Variants in FGL1 observed in about 807,000 individuals in gnomAD.
FGL1 encodes the protein fibrinogen-like protein 1.
FGL1 carries 59 observed loss-of-function variants against 43.7 expected under a neutral mutation model. The observed-to-expected ratio is 1.35, with a 90% CI of 1.10 to 1.68. The LOEUF (loss-of-function observed/expected upper bound fraction) is 1.68, where lower values mean the gene tolerates loss of function less well. Ranked by LOEUF, FGL1 falls within the 40% of genes most tolerant of loss-of-function variation. The pLI is 0.00. For missense variants in FGL1, 596 were observed against 373.0 expected (o/e 1.60, Z -4.92); for synonymous variants, 192 against 126.5 (o/e 1.52, Z -3.48).
At chr8:17,877,240 T>TA (rs924813397) in intron 3 of FGL1, among the ~76,000 whole-genome samples, 4 of 151,648 alleles carry the variant, frequency 2.6e-5, no homozygotes, top group Admixed American at 6.6e-5. Flanking sequence ...GTTTTTTTTT[T>TA]AAAAAAGAAA....
intron 1 of FGL1, among the ~76,000 whole-genome samples, chr8:17,894,423 T>C (rs1195896503): frequency 6.8e-6 from 1 of 146,922 alleles, no homozygotes; most frequent in Non-Finnish European, 1.5e-5. Flanking sequence ...TTTCTGAAAA[T>C]GGAATATAAC....
At chr8:17,883,689 T>C (rs2053584551) in intron 2 of FGL1, among the ~76,000 whole-genome samples, 1 of 143,462 alleles carries the variant, frequency 7.0e-6, no homozygotes, top group Non-Finnish European at 1.5e-5. Context: ...TATATATATA[T>C]TTTTTATATA....
At chr8:17,878,490 G>C (rs2053489439) in intron 3 of FGL1, among the ~76,000 whole-genome samples, 1 of 152,182 alleles carries the variant, frequency 6.6e-6, no homozygotes, top group Admixed American at 6.5e-5. Context: ...TGAAGAAGGG[G>C]AGATGCTGGA....
chr8:17,885,541 A>G lies in FGL1; in HGVS notation c.14T>C (p.Phe5Ser), dbSNP rs745580725. Reference sequence around the variant, plus strand: ...AGCGGTGGTAACAAGGATGAAACTGAACACCTTTGCCATGTTCCCCCTTGA... The same window carrying G: ...AGCGGTGGTAACAAGGATGAAACTGGACACCTTTGCCATGTTCCCCCTTGA... MAKV[F>S]SFILVTTALT... The change falls in exon 2 of 8, where the codon TTC becomes TCC. Residue 5 changes from phenylalanine (F) to serine (S), a missense_variant. Transcript: ENST00000427924. The G allele has an allele frequency of 1.9e-6, 3 of 1,613,846 alleles. No homozygotes were observed. The Admixed American group carries it at 5.0e-5, about 27-fold the overall frequency.
chr8:17,882,175 A>C lies in FGL1; in HGVS notation c.68T>G (p.Leu23Arg), dbSNP rs1335478093. Residue 23 changes from leucine to arginine, a missense_variant, in exon 3 of 8, where the codon CTC becomes CGC. Coordinates refer to ENST00000427924, the MANE Select transcript of FGL1 (RefSeq NM_004467.4). The part of the protein sequence containing the change: ...ALTMGREISA[L>R]EDCAQEQMRL... ...CATCTGCTCCTGGGCACAGTCCTCG[A>C]GCGCCTGCAAAACAGGTGAGATGAG... is the stretch of plus-strand genomic sequence containing the variant. The C allele has an allele frequency of 2.5e-6, 4 of 1,612,660 alleles. No individual in the cohort carries two copies. In the Admixed American group the frequency reaches 6.7e-5, roughly 27 times the overall value.
chr8:17,869,908 G>C (rs894407656), intron 5 of FGL1, among the ~76,000 whole-genome samples: 2 of 152,148 alleles, frequency 1.3e-5, no homozygotes, highest in Non-Finnish European at 2.9e-5. Context: ...AGGAGATAGA[G>C]ACCATCCTGG....
chr8:17,882,549 T>G (rs1482122134), intron 2 of FGL1: 1 of 160,646 alleles, frequency 6.2e-6, no homozygotes, highest in African/African-American at 2.4e-5. Context: ...AGGACTGTGC[T>G]CTCAATCTCT....
chr8:17,886,270 G>C (rs1238098414), intron 1 of FGL1, among the ~76,000 whole-genome samples: 1 of 152,190 alleles, frequency 6.6e-6, no homozygotes, highest in Non-Finnish European at 1.5e-5. Flanking sequence ...GCTAAGTATA[G>C]TTTTGAAGGT....
At chr8:17,888,786 T>A (rs962437219) in intron 1 of FGL1, among the ~76,000 whole-genome samples, 30 of 152,162 alleles carry the variant, frequency 2.0e-4, no homozygotes, top group Non-Finnish European at 3.7e-4. Context: ...GAAAATATAT[T>A]TGTAAAGAAG....
intron 5 of FGL1, among the ~76,000 whole-genome samples, chr8:17,869,766 G>A (rs2053329141): frequency 1.3e-5 from 2 of 152,178 alleles, no homozygotes; most frequent in South Asian, 4.1e-4. Context: ...CAATGACTCT[G>A]AGTAAAAAGG....
At chr8:17,867,154 T>C (rs6586665) in intron 7 of FGL1, among the ~76,000 whole-genome samples, 7,352 of 152,312 alleles carry the variant, frequency 0.048, 621 homozygotes, top group African/African-American at 0.17. Context: ...GGATACGTTC[T>C]AAGACCCCTA....
intron 1 of FGL1, among the ~76,000 whole-genome samples, chr8:17,886,126 A>G (rs996467927): frequency 2.0e-5 from 3 of 152,198 alleles, no homozygotes; most frequent in Non-Finnish European, 4.4e-5. Context: ...GGTGACCCCA[A>G]TAACTGTTGT....
chr8:17,885,079 C>T (rs1194528728), intron 2 of FGL1, among the ~76,000 whole-genome samples: 3 of 149,748 alleles, frequency 2.0e-5, no homozygotes, highest in Admixed American at 6.6e-5. Flanking sequence ...CTCACTCTGT[C>T]GCCCAGGCTG....
chr8:17,882,138 GGCTCTGAGCCGCATCT>G lies in FGL1; in HGVS notation c.89_104del (p.Gln30ProfsTer88), dbSNP rs2053546096. The G allele has an allele frequency of 6.2e-7, 1 of 1,613,760 alleles. No individual in the cohort carries two copies. On this transcript the variant is annotated frameshift_variant, in exon 3 of 8. Transcript: ENST00000427924. LOFTEE classifies it high-confidence loss of function. ...CCCGGGTCTCAAGCAGGCGCACCTG[GGCTCTGAGCCGCATCT>G]GCTCCTGGGCACAGTCCTCGAGCGC...
intron 3 of FGL1, 113 bp downstream of exon 3, chr8:17,881,886 T>G: frequency 1.2e-6 from 1 of 826,972 alleles, no homozygotes; most frequent in Non-Finnish European, 1.9e-6. Flanking sequence ...ATAGATATAA[T>G]GCTTCATATT....
At chr8:17,883,756 C>G (rs1272224132) in intron 2 of FGL1, among the ~76,000 whole-genome samples, 1 of 148,190 alleles carries the variant, frequency 6.7e-6, no homozygotes, top group East Asian at 1.9e-4. Context: ...GTCATGGAAC[C>G]TCTCCCAGCC....
At chr8:17,873,659 A>AAT (rs1295706284) in intron 5 of FGL1, among the ~76,000 whole-genome samples, 5 of 148,226 alleles carry the variant, frequency 3.4e-5, no homozygotes, top group South Asian at 2.1e-4. Context: ...TCAGAAGTAG[A>AAT]ATATATATAT....
At chr8:17,874,788 CTTCTTTT>C (rs1279403339) in intron 3 of FGL1, 6 of 250,242 alleles carry the variant, frequency 2.4e-5, no homozygotes, top group African/African-American at 1.4e-4. Flanking sequence ...TTGTTTCTTT[CTTCTTTT>C]TTCTTTTACA....
intron 5 of FGL1, among the ~76,000 whole-genome samples, chr8:17,871,709 C>T (rs2053364050): frequency 6.6e-6 from 1 of 151,964 alleles, no homozygotes; most frequent in Non-Finnish European, 1.5e-5. Flanking sequence ...GTAATGCTCT[C>T]ATAATTAAAG....
Sources: allele counts gnomAD v4.1 joint callset (sites outside exome capture counted in the v4.1 genomes callset), GRCh38; gene constraint gnomAD v4.1.1; transcripts MANE v1.5; gene names NCBI Gene and HGNC (gene_info 2026-07-23, HGNC 2026-07-21).